SGK3: variants seen among roughly 807,000 people sequenced by gnomAD.
The protein encoded by SGK3 is serum/glucocorticoid regulated kinase family member 3.
SGK3 carries 47 observed loss-of-function variants against 68.5 expected under a neutral mutation model. The ratio of observed to expected loss-of-function variants is 0.69; its 90% CI spans 0.54 to 0.87. The LOEUF (loss-of-function observed/expected upper bound fraction) is 0.87, where lower values mean the gene tolerates loss of function less well. Among genes scored for constraint, SGK3 ranks in the 40% least tolerant of loss-of-function variants. The probability of loss-of-function intolerance (pLI) is 0.00; values close to 1 mark genes in which losing one functional copy is unlikely to be tolerated. For missense variants in SGK3, 479 were observed against 575.5 expected (o/e 0.83, Z 1.72); for synonymous variants, 181 against 189.1 (o/e 0.96, Z 0.35).
At chr8:66,782,120 A>ATT (rs1807011765) in intron 1 of SGK3, among the ~76,000 whole-genome samples, 1 of 152,218 alleles carries the variant, frequency 6.6e-6, no homozygotes, top group Non-Finnish European at 1.5e-5. Flanking sequence ...ACAGATACAG[A>ATT]TTATATATAC....
Position 66,828,625 on chromosome 8 carries a change from A to C in SGK3, c.418-29A>C, listed in dbSNP as rs1383192177. ...ATTAATTTTTGAAGCTCCAATAAGA[A>C]TGTTGTTTTTCTTTCCCCACCTTCA... is the stretch of plus-strand genomic sequence containing the variant. On this transcript the variant is annotated intron_variant, in intron 6 of 16. Coordinates refer to ENST00000521198, the MANE Select transcript of SGK3 (RefSeq NM_001033578.3). 1.9e-6 allele frequency: 3 copies of C among 1,613,498 alleles called. No individual in the cohort carries two copies. In the South Asian group the frequency reaches 3.3e-5, roughly 18 times the overall value.
rs561737950 is a variant in SGK3, at chr8:66,796,913, C to A, written c.97-1629C>A. Among the ~76,000 whole-genome samples the A allele has an allele frequency of 1.1e-4, 16 of 148,798 alleles. No homozygotes were observed. The South Asian group carries it at 3.0e-3, about 28-fold the overall frequency. ...AGTATTGTACTGTTTCCTGTGAAAT[C>A]TAAGGATTTCACAGGAAATCTAATC... On this transcript the variant is annotated intron_variant, in intron 2 of 16. Transcript: ENST00000521198.
At chr8:66,731,582 T>C (rs1805154281) in intron 1 of SGK3, among the ~76,000 whole-genome samples, 1 of 152,208 alleles carries the variant, frequency 6.6e-6, no homozygotes, top group African/African-American at 2.4e-5. Flanking sequence ...TTGCCCAGAC[T>C]GGAGTGCAGT....
intron 10 of SGK3, 140 bp downstream of exon 10, chr8:66,836,214 C>T: frequency 8.7e-7 from 1 of 1,143,900 alleles, no homozygotes; most frequent in Non-Finnish European, 1.2e-6. Flanking sequence ...TGGCTGAGTA[C>T]AGGATGTGGA....
At chr8:66,757,243 T>C (rs1351523699) in intron 1 of SGK3, among the ~76,000 whole-genome samples, 1 of 150,458 alleles carries the variant, frequency 6.6e-6, no homozygotes, top group Non-Finnish European at 1.5e-5. Context: ...GTGATCCTCC[T>C]CCCTTAGCCT....
chr8:66,788,977 C>T (rs970750429), intron 1 of SGK3, among the ~76,000 whole-genome samples: 1 of 152,104 alleles, frequency 6.6e-6, no homozygotes, highest in South Asian at 2.1e-4. Flanking sequence ...CAGACATAGC[C>T]CTCAGGTGAG....
chr8:66,807,840 T>A (rs997609312), intron 4 of SGK3, among the ~76,000 whole-genome samples: 3 of 152,206 alleles, frequency 2.0e-5, no homozygotes, highest in Non-Finnish European at 1.5e-5. Flanking sequence ...CTGTGTATTG[T>A]GACACAATTT....
chr8:66,764,532 C>T (rs1318434852), intron 1 of SGK3, among the ~76,000 whole-genome samples: 1 of 152,102 alleles, frequency 6.6e-6, no homozygotes, highest in Non-Finnish European at 1.5e-5. Flanking sequence ...GTGTATTGGT[C>T]TGCTCTTGAC....
chr8:66,723,131 ATTTTTTTTTTTT>A (rs1177940065), intron 1 of SGK3, among the ~76,000 whole-genome samples: 2 of 29,496 alleles, frequency 6.8e-5, no homozygotes, highest in African/African-American at 2.4e-4. Context: ...ATATATATAT[ATTTTTTTTTTTT>A]TTTTTTTTTG....
chr8:66,763,348 G>A (rs1195776590), intron 1 of SGK3, among the ~76,000 whole-genome samples: 1 of 151,954 alleles, frequency 6.6e-6, no homozygotes. Flanking sequence ...TTTTATGATC[G>A]ATTTTGCCAT....
intron 7 of SGK3, among the ~76,000 whole-genome samples, chr8:66,829,371 A>T (rs1157979766): frequency 6.6e-6 from 1 of 152,076 alleles, no homozygotes; most frequent in African/African-American, 2.4e-5. Context: ...CTCTACTTGG[A>T]GAATGATTAT....
At chr8:66,790,380 TGAGAGATACAGGCAG>T (rs879687688) in intron 1 of SGK3, among the ~76,000 whole-genome samples, 3 of 152,196 alleles carry the variant, frequency 2.0e-5, no homozygotes, top group Non-Finnish European at 4.4e-5. Context: ...CAGGGTCTTC[TGAGAGATACAGGCAG>T]CTGCTTTCAG....
chr8:66,847,176 C>CTTT lies in SGK3; in HGVS notation c.1075-7_1075-5dup. The CTTT allele has an allele frequency of 8.0e-7, 1 of 1,246,668 alleles. No individual in the cohort carries two copies. The highest frequency in any genetic ancestry group is 1.1e-6 in the Non-Finnish European group (1 of 910,522). 77.2% of individuals were successfully genotyped at this position (1,246,668 alleles called of 1,614,324 possible). A position where few individuals can be genotyped will look rare whatever the true frequency, so the allele number is the denominator to read the frequency against. ...TTTGTTTACCACTAAGTTTATTTTG[C>CTTT]TTTTTTTTTTTTCCAGCCTCCTTTT... On this transcript the variant is annotated splice_polypyrimidine_tract_variant and intron_variant, in intron 14 of 16. Transcript: ENST00000521198.
Position 66,843,448 on chromosome 8 carries a change from A to C in SGK3, c.979-4A>C, listed in dbSNP as rs772975224. 5 of 1,611,188 alleles carry C rather than the reference A, an allele frequency of 3.1e-6. No individual in the cohort carries two copies. Among genetic ancestry groups the C allele is most frequent in the Non-Finnish European group, 3.4e-6 (4 of 1,179,004 alleles). On this transcript the variant is annotated splice_polypyrimidine_tract_variant and splice_region_variant and intron_variant, in intron 13 of 16. Coordinates refer to ENST00000521198, the MANE Select transcript of SGK3 (RefSeq NM_001033578.3). ...TTGCTCTAATATTTTATTGTTTTCT[A>C]TAGTATCTTGCACCTGAAGTAATTA...
At position 66,737,928 on chromosome 8, in the gene SGK3, G is replaced by A. The variant is rs554770406; in HGVS notation, c.-122+25095G>A. Among the ~76,000 whole-genome samples the A allele has an allele frequency of 9.9e-5, 15 of 152,028 alleles. No individual in the cohort carries two copies. The South Asian group carries it at 3.1e-3, about 32-fold the overall frequency. On this transcript the variant is annotated intron_variant, in intron 1 of 16. Coordinates refer to ENST00000521198, the MANE Select transcript of SGK3 (RefSeq NM_001033578.3). Reference sequence around the variant, plus strand: ...ACCGCACCCAGCCCCGGACCTTTATGTTTTATCCTTCAGAGTGGTATGTCT... The same window carrying A: ...ACCGCACCCAGCCCCGGACCTTTATATTTTATCCTTCAGAGTGGTATGTCT...
intron 1 of SGK3, among the ~76,000 whole-genome samples, chr8:66,758,827 C>T (rs950157062): frequency 2.0e-5 from 3 of 151,712 alleles, no homozygotes; most frequent in Non-Finnish European, 4.4e-5. Context: ...CATATCAATA[C>T]ATTTTTATGC....
intron 2 of SGK3, among the ~76,000 whole-genome samples, chr8:66,796,467 A>G (rs936677112): frequency 3.4e-5 from 5 of 147,704 alleles, no homozygotes; most frequent in African/African-American, 1.3e-4. Context: ...ACCCAGCCTG[A>G]ATTTAAATTT....
chr8:66,742,975 C>A (rs999711247), intron 1 of SGK3, among the ~76,000 whole-genome samples: 9 of 152,162 alleles, frequency 5.9e-5, no homozygotes, highest in Admixed American at 6.6e-5. Context: ...ACCTTCCTTT[C>A]ACCTGTAACA....
chr8:66,768,600 T>TGTCA (rs1806402460), intron 1 of SGK3, among the ~76,000 whole-genome samples: 1 of 152,220 alleles, frequency 6.6e-6, no homozygotes, highest in Non-Finnish European at 1.5e-5. Flanking sequence ...AATCTTGCTC[T>TGTCA]GTCACCCAGT....
Sources: allele counts gnomAD v4.1 joint callset (sites outside exome capture counted in the v4.1 genomes callset), GRCh38; gene constraint gnomAD v4.1.1; transcripts MANE v1.5; gene names NCBI Gene and HGNC (gene_info 2026-07-23, HGNC 2026-07-21).